The following SLC9A9 variants were observed in gnomAD, a reference collection of about 807,000 sequenced individuals.
SLC9A9 encodes solute carrier family 9 member A9, also known as sodium/hydrogen exchanger 9.
SLC9A9 carries 62 observed loss-of-function variants against 77.8 expected under a neutral mutation model. The ratio of observed to expected loss-of-function variants is 0.80; its 90% CI spans 0.65 to 0.98. The LOEUF (loss-of-function observed/expected upper bound fraction) is 0.98, where lower values mean the gene tolerates loss of function less well. Ranked by LOEUF, SLC9A9 falls within the 50% of genes least tolerant of loss-of-function variation. The pLI is 0.00. For synonymous variants in SLC9A9, 320 were observed against 283.5 expected (o/e 1.13, Z -1.29); for missense variants, 775 against 774.9 (o/e 1.00, Z 0.00).
At chr3:143,607,573 G>A (rs2037948691) in intron 6 of SLC9A9, among the ~76,000 whole-genome samples, 1 of 151,970 alleles carries the variant, frequency 6.6e-6, no homozygotes, top group South Asian at 2.1e-4. Context: ...TTCAGAGCTT[G>A]TTAATTATGT....
At chr3:143,294,452 G>A (rs1385315376) in intron 14 of SLC9A9, among the ~76,000 whole-genome samples, 1 of 152,158 alleles carries the variant, frequency 6.6e-6, no homozygotes, top group African/African-American at 2.4e-5. Flanking sequence ...CAACAAGGCA[G>A]CATAGAAATC....
intron 12 of SLC9A9, among the ~76,000 whole-genome samples, chr3:143,445,249 C>G (rs2034822092): frequency 6.6e-6 from 1 of 152,190 alleles, no homozygotes; most frequent in Non-Finnish European, 1.5e-5. Flanking sequence ...GTGAGTCAGA[C>G]AGTGAGTATA....
chr3:143,817,573 A>C (rs1325591382), intron 2 of SLC9A9, among the ~76,000 whole-genome samples: 1 of 152,224 alleles, frequency 6.6e-6, no homozygotes, highest in Admixed American at 6.5e-5. Flanking sequence ...AAAGTTATAT[A>C]GTTTGATTCT....
intron 4 of SLC9A9, among the ~76,000 whole-genome samples, chr3:143,782,321 A>G (rs1008840888): frequency 6.6e-6 from 1 of 152,222 alleles, no homozygotes; most frequent in Admixed American, 6.5e-5. Context: ...CAGTGTGCTT[A>G]GGAATTACCT....
intron 12 of SLC9A9, among the ~76,000 whole-genome samples, chr3:143,400,491 C>T (rs947554225): frequency 2.0e-5 from 3 of 151,686 alleles, no homozygotes; most frequent in African/African-American, 7.3e-5. Flanking sequence ...GCTATGAGGA[C>T]AAAAAAGCAT....
At chr3:143,722,219 A>G (rs980510000) in intron 4 of SLC9A9, among the ~76,000 whole-genome samples, 1 of 152,144 alleles carries the variant, frequency 6.6e-6, no homozygotes, top group African/African-American at 2.4e-5. Flanking sequence ...CACGCCTGTA[A>G]TCCCAGCACT....
Position 143,379,673 on chromosome 3 carries a change from C to G in SLC9A9, c.1524+2387G>C, listed in dbSNP as rs549634400. ...CCCAAGTGAGAAATGTCTTTAAAAA[C>G]ATAGTGATGTTTCGTGTCACTTGAG... On this transcript the variant is annotated intron_variant, in intron 13 of 15. Coordinates refer to ENST00000316549, the MANE Select transcript of SLC9A9 (RefSeq NM_173653.4). 7.2e-5 allele frequency among the ~76,000 whole-genome samples: 11 copies of G among 152,308 alleles called. No individual in the cohort carries two copies. In the South Asian group the frequency reaches 2.3e-3, roughly 32 times the overall value.
intron 6 of SLC9A9, among the ~76,000 whole-genome samples, chr3:143,585,812 T>C (rs1029666381): frequency 1.3e-5 from 2 of 152,140 alleles, no homozygotes; most frequent in Admixed American, 1.3e-4. Context: ...CTTTCAGAAA[T>C]CTTTAGGCCA....
chr3:143,627,332 G>A (rs140349852), intron 6 of SLC9A9: 289 of 209,334 alleles, frequency 1.4e-3, no homozygotes, highest in African/African-American at 6.4e-3. Context: ...ATGAACTGGG[G>A]AATAGATATC....
In SLC9A9 at chr3:143,268,857, G is replaced by A. The variant is rs765377457; in HGVS notation, c.1710+18C>T. The stretch of plus-strand genomic sequence containing the variant: ...ACAAGGGATATTCCCTCACCCTAGA[G>A]GCCTGAGATTTACTTACCCCATAGG... On this transcript the variant is annotated intron_variant, in intron 15 of 15. Coordinates refer to ENST00000316549, the MANE Select transcript of SLC9A9 (RefSeq NM_173653.4). 1 of 1,588,730 alleles carries A rather than the reference G, an allele frequency of 6.3e-7. No individual in the cohort carries two copies. The highest frequency in any genetic ancestry group is 8.6e-7 in the Non-Finnish European group (1 of 1,158,166).
chr3:143,320,775 A>G (rs930673993), intron 14 of SLC9A9, among the ~76,000 whole-genome samples: 3 of 152,294 alleles, frequency 2.0e-5, no homozygotes, highest in African/African-American at 7.2e-5. Flanking sequence ...TCAAGCCTTA[A>G]CCCCTAATAC....
chr3:143,741,156 C>T (rs966670898), intron 4 of SLC9A9, among the ~76,000 whole-genome samples: 13 of 152,186 alleles, frequency 8.5e-5, no homozygotes, highest in African/African-American at 3.1e-4. Flanking sequence ...TAATCTCATT[C>T]TCCAGTAAAA....
At chr3:143,659,111 A>G (rs1055783457) in intron 5 of SLC9A9, among the ~76,000 whole-genome samples, 6 of 152,324 alleles carry the variant, frequency 3.9e-5, no homozygotes, top group Non-Finnish European at 5.9e-5. Flanking sequence ...CCCTTCATAC[A>G]AGCATTTTCC....
Position 143,650,942 on chromosome 3 carries a change from G to A in SLC9A9, c.755+1313C>T, listed in dbSNP as rs73867701. On this transcript the variant is annotated intron_variant, in intron 6 of 15. Transcript: ENST00000316549. ...GAAAACTACTGTGAATGGTGGTCCT[G>A]AAAGCAGAAAGGCCAAACCTTTCCT... Among the ~76,000 whole-genome samples the A allele has an allele frequency of 8.0e-3, 1,213 of 152,338 alleles. 11 individuals carry two copies. The highest frequency in any genetic ancestry group is 0.027 in the African/African-American group (1,114 of 41,574).
At chr3:143,764,819 C>T (rs1293283601) in intron 4 of SLC9A9, among the ~76,000 whole-genome samples, 7 of 152,118 alleles carry the variant, frequency 4.6e-5, no homozygotes, top group Non-Finnish European at 8.8e-5. Flanking sequence ...TCAAGAGATC[C>T]TCCCACTGTG....
intron 4 of SLC9A9, among the ~76,000 whole-genome samples, chr3:143,729,142 A>G (rs564507140): frequency 6.6e-6 from 1 of 152,116 alleles, no homozygotes; most frequent in African/African-American, 2.4e-5. Context: ...ACTCCTTCTC[A>G]TTTTTTAAAA....
intron 12 of SLC9A9, among the ~76,000 whole-genome samples, chr3:143,434,352 G>A (rs1272607931): frequency 6.6e-6 from 1 of 152,044 alleles, no homozygotes; most frequent in Non-Finnish European, 1.5e-5. Context: ...AGAGAAAGAG[G>A]GGCAGAAGGA....
intron 4 of SLC9A9, among the ~76,000 whole-genome samples, chr3:143,705,094 A>G (rs960458701): frequency 2.2e-5 from 3 of 136,862 alleles, no homozygotes; most frequent in Non-Finnish European, 4.8e-5. Flanking sequence ...CATATACACA[A>G]TGGAGGTCTA....
At chr3:143,798,467 G>A (rs1230519662) in intron 2 of SLC9A9, among the ~76,000 whole-genome samples, 1 of 152,092 alleles carries the variant, frequency 6.6e-6, no homozygotes, top group African/African-American at 2.4e-5. Context: ...CCTTCTCCAT[G>A]TCTCTACCCT....
Sources: gnomAD v4.1 joint callset for allele counts (sites outside exome capture counted in the v4.1 genomes callset) on GRCh38, gnomAD v4.1.1 for gene constraint, MANE v1.5 for transcripts, NCBI Gene and HGNC (gene_info 2026-07-23, HGNC 2026-07-21) for gene names.